The following WFDC1 variants were observed in gnomAD, a reference collection of about 807,000 sequenced individuals.
WFDC1 encodes WAP four-disulfide core domain 1.
A neutral mutation model predicts 32.9 loss-of-function variants in WFDC1; 39 were observed. That is an observed-to-expected ratio of 1.19 (90% CI 0.92 to 1.55). WFDC1 has a LOEUF of 1.55. Ranked by LOEUF, WFDC1 falls within the 40% of genes most tolerant of loss-of-function variation. The probability of loss-of-function intolerance (pLI) is 0.00; values close to 1 mark genes in which losing one functional copy is unlikely to be tolerated. For synonymous variants in WFDC1, 184 were observed against 137.4 expected (o/e 1.34, Z -2.37); for missense variants, 386 against 309.5 (o/e 1.25, Z -1.85).
intron 1 of WFDC1, among the ~76,000 whole-genome samples, chr16:84,301,583 C>A (rs1319309755): frequency 6.6e-6 from 1 of 152,114 alleles, no homozygotes; most frequent in Non-Finnish European, 1.5e-5. Context: ...CCCAGCAGCA[C>A]CCAGGAGGGG....
chr16:84,314,337 G>T (rs1290431392), intron 2 of WFDC1, among the ~76,000 whole-genome samples: 1 of 152,178 alleles, frequency 6.6e-6, no homozygotes. Flanking sequence ...GTGCCCTTGG[G>T]TGGGGAAAAT....
chr16:84,318,331 G>T lies in WFDC1; in HGVS notation c.397G>T (p.Asp133Tyr). The T allele has an allele frequency of 6.2e-7, 1 of 1,614,138 alleles. No homozygotes were observed. Among genetic ancestry groups the T allele is most frequent in the Non-Finnish European group, 8.5e-7 (1 of 1,179,994 alleles). ...RWLGGNGWLL[D>Y]GPEEVLQAEA... ...GCTTGGTGGCAATGGCTGGCTCCTG[G>T]ATGGCCCTGAGGAGGTGTTACAAGG... is the stretch of plus-strand genomic sequence containing the variant. Residue 133 changes from aspartate (D) to tyrosine (Y), a missense_variant, in exon 3 of 7, where the codon GAT (aspartate) becomes TAT (tyrosine). Physicochemically the swap from Asp to Tyr is radical, Grantham distance 160. Transcript: ENST00000219454.
chr16:84,322,924 G>C (rs991787676), intron 4 of WFDC1, among the ~76,000 whole-genome samples: 4 of 152,268 alleles, frequency 2.6e-5, no homozygotes, highest in African/African-American at 9.6e-5. Flanking sequence ...GCCTTGAGTG[G>C]GAGGCAATTT....
chr16:84,296,684 G>C (rs1241822193), intron 1 of WFDC1, among the ~76,000 whole-genome samples: 1 of 152,178 alleles, frequency 6.6e-6, no homozygotes, highest in Admixed American at 6.5e-5. Flanking sequence ...GGAAAGAGTA[G>C]TAGAGTGACA....
intron 1 of WFDC1, among the ~76,000 whole-genome samples, chr16:84,305,826 AC>A (rs1306291741): frequency 2.6e-5 from 4 of 151,098 alleles, no homozygotes; most frequent in Non-Finnish European, 5.9e-5. Flanking sequence ...ACAAGGCAAA[AC>A]CCCATCTCTA....
intron 1 of WFDC1, among the ~76,000 whole-genome samples, chr16:84,310,518 C>T (rs1189810353): frequency 1.3e-5 from 2 of 152,132 alleles, no homozygotes; most frequent in African/African-American, 2.4e-5. Context: ...GGTAAAAAGA[C>T]ATTGAACCAC....
At chr16:84,296,690 T>G (rs1431164082) in intron 1 of WFDC1, among the ~76,000 whole-genome samples, 1 of 151,538 alleles carries the variant, frequency 6.6e-6, no homozygotes, top group African/African-American at 2.4e-5. Flanking sequence ...AGTAGTAGAG[T>G]GACATGATGA....
In WFDC1 at chr16:84,299,399, C is replaced by A. The variant is rs1597660321; in HGVS notation, c.144+4284C>A. 2.7e-5 allele frequency among the ~76,000 whole-genome samples: 4 copies of A among 150,162 alleles called. No homozygotes were observed. The South Asian group carries it at 6.3e-4, about 24-fold the overall frequency. On this transcript the variant is annotated intron_variant, in intron 1 of 6. Transcript: ENST00000219454. ...AAAAACAAAAAGCAAAAAAAAAAAA[C>A]CAAAAACCCCATTCCAGAACCAAAT... is the stretch of plus-strand genomic sequence containing the variant.
chr16:84,323,216 AC>A (rs1323604637), intron 4 of WFDC1, among the ~76,000 whole-genome samples: 8 of 152,238 alleles, frequency 5.3e-5, no homozygotes, highest in Admixed American at 1.3e-4. Context: ...TAGCACCTTG[AC>A]CGATAAATGT....
At position 84,295,003 on chromosome 16, in the gene WFDC1, G is replaced by A. The variant is rs933673781; in HGVS notation, c.32G>A (p.Cys11Tyr). 3.1e-6 allele frequency: 5 copies of A among 1,613,988 alleles called. No homozygotes were observed. Among genetic ancestry groups the A allele is most frequent in the Non-Finnish European group, 4.2e-6 (5 of 1,179,982 alleles). The change falls in exon 1 of 7, where the codon TGC (cysteine) becomes TAC (tyrosine). Residue 11 changes from cysteine (C) to tyrosine (Y), a missense_variant. Cys to Tyr is a radical substitution (Grantham distance 194). Coordinates refer to ENST00000219454, the MANE Select transcript of WFDC1 (RefSeq NM_021197.4). The stretch of plus-strand genomic sequence containing the variant: ...TTAACCGGCGTGGGGCCGGGCAGCT[G>A]CAGGAGGCAGATCATCCGGGCTCTG... MPLTGVGPGS[C>Y]RRQIIRALCL... is the part of the protein sequence containing the mutation.
intron 6 of WFDC1, chr16:84,327,188 C>T (rs1908654869): frequency 2.0e-6 from 1 of 501,570 alleles, no homozygotes; most frequent in Non-Finnish European, 3.6e-6. Flanking sequence ...AGAAGCTTAA[C>T]TCATTTGTTT....
At chr16:84,306,446 G>GAGC (rs1907263885) in intron 1 of WFDC1, among the ~76,000 whole-genome samples, 1 of 152,190 alleles carries the variant, frequency 6.6e-6, no homozygotes, top group Non-Finnish European at 1.5e-5. Context: ...AGGCCAGGAG[G>GAGC]AGCAGCGAAT....
chr16:84,295,152 G>A, intron 1 of WFDC1, 37 bp downstream of exon 1: 2 of 1,606,378 alleles, frequency 1.2e-6, no homozygotes, highest in Non-Finnish European at 1.7e-6. Context: ...GGCAGCCTGT[G>A]TGGGTGGGAG....
chr16:84,325,409 G>C (rs1452629885), intron 5 of WFDC1, among the ~76,000 whole-genome samples: 1 of 152,010 alleles, frequency 6.6e-6, no homozygotes, highest in Non-Finnish European at 1.5e-5. Context: ...CACCTTGTTG[G>C]CCAGGCTGGT....
At chr16:84,310,975 C>T (rs60383420) in intron 1 of WFDC1, among the ~76,000 whole-genome samples, 7 of 152,090 alleles carry the variant, frequency 4.6e-5, no homozygotes, top group Non-Finnish European at 8.8e-5. Flanking sequence ...ACAGTTTAGG[C>T]AGAGGCCAGG....
intron 1 of WFDC1, among the ~76,000 whole-genome samples, chr16:84,310,376 C>T (rs377669240): frequency 6.6e-6 from 1 of 152,100 alleles, no homozygotes; most frequent in Non-Finnish European, 1.5e-5. Flanking sequence ...TGACGGCGCC[C>T]ACACTGTCAT....
At chr16:84,302,266 A>G (rs1248745332) in intron 1 of WFDC1, among the ~76,000 whole-genome samples, 1 of 152,170 alleles carries the variant, frequency 6.6e-6, no homozygotes, top group African/African-American at 2.4e-5. Flanking sequence ...GGTGATGGAA[A>G]AGCCGCAGAA....
At chr16:84,317,202 A>C (rs1908003769) in intron 2 of WFDC1, 2 of 152,138 alleles carry the variant, frequency 1.3e-5, no homozygotes, top group African/African-American at 4.8e-5. Flanking sequence ...CTGAGAGAGG[A>C]GAACTGCCTG....
At chr16:84,310,449 G>GA (rs2151373951) in intron 1 of WFDC1, among the ~76,000 whole-genome samples, 1 of 152,286 alleles carries the variant, frequency 6.6e-6, no homozygotes, top group Non-Finnish European at 1.5e-5. Flanking sequence ...CCAGGACTTG[G>GA]ATGATGTGCC....
Sources: gnomAD v4.1 joint callset for allele counts (sites outside exome capture counted in the v4.1 genomes callset) on GRCh38, gnomAD v4.1.1 for gene constraint, MANE v1.5 for transcripts, NCBI Gene and HGNC (gene_info 2026-07-23, HGNC 2026-07-21) for gene names.